LDLRAD3: variants seen among roughly 807,000 people sequenced by gnomAD.
LDLRAD3 encodes low density lipoprotein receptor class A domain containing 3.
In LDLRAD3, 20 loss-of-function variants were observed where a neutral mutation model predicts 29.4. That is an observed-to-expected ratio of 0.68 (90% CI 0.48 to 0.99). The LOEUF is 0.99. LDLRAD3 is among the 50% of genes least tolerant of loss of function. The pLI, the probability that LDLRAD3 is intolerant of heterozygous loss-of-function variation, is 0.00. For synonymous variants in LDLRAD3, 157 were observed against 192.7 expected, an observed-to-expected ratio of 0.81 and a Z score of 1.53; for missense variants, 420 against 454.3, an observed-to-expected ratio of 0.92 and a Z score of 0.69.
chr11:36,194,287 GA>G (rs1352494757), intron 4 of LDLRAD3, among the ~76,000 whole-genome samples: 1 of 152,158 alleles, frequency 6.6e-6, no homozygotes, highest in African/African-American at 2.4e-5. Context: ...GTCCATGATG[GA>G]TTAGTAGGGC....
At chr11:36,130,450 C>A (rs1853909117) in intron 4 of LDLRAD3, among the ~76,000 whole-genome samples, 1 of 152,122 alleles carries the variant, frequency 6.6e-6, no homozygotes, top group African/African-American at 2.4e-5. Flanking sequence ...CAGCGTGAGG[C>A]CATCAAAAGG....
intron 4 of LDLRAD3, among the ~76,000 whole-genome samples, chr11:36,133,788 C>T (rs1054276190): frequency 6.6e-6 from 1 of 152,122 alleles, no homozygotes; most frequent in South Asian, 2.1e-4. Context: ...CCGCCTGCCT[C>T]AGCCTCCCAA....
At chr11:36,178,791 C>T (rs1854714941) in intron 4 of LDLRAD3, among the ~76,000 whole-genome samples, 1 of 152,200 alleles carries the variant, frequency 6.6e-6, no homozygotes, top group African/African-American at 2.4e-5. Context: ...GTGCCAGAGA[C>T]CCTCCCATCC....
intron 4 of LDLRAD3, among the ~76,000 whole-genome samples, chr11:36,104,327 G>A (rs561946018): frequency 8.5e-5 from 13 of 152,314 alleles, no homozygotes; most frequent in African/African-American, 2.6e-4. Flanking sequence ...CTGTAGCCTT[G>A]TAAGACTCCC....
intron 2 of LDLRAD3, among the ~76,000 whole-genome samples, chr11:36,073,718 C>A (rs1852946631): frequency 6.6e-6 from 1 of 152,250 alleles, no homozygotes; most frequent in Non-Finnish European, 1.5e-5. Flanking sequence ...GCTGACCAGG[C>A]AGGAAGTCTC....
chr11:36,013,520 A>G (rs1851981680), intron 1 of LDLRAD3, among the ~76,000 whole-genome samples: 1 of 128,160 alleles, frequency 7.8e-6, no homozygotes, highest in Non-Finnish European at 1.5e-5. Flanking sequence ...ATGTGTTCTC[A>G]TTGTTCAACT....
rs571218514 is a variant in LDLRAD3 at position 36,215,728 on chromosome 11, A to G, written c.455-11357A>G. On this transcript the variant is annotated intron_variant, in intron 4 of 5. Coordinates refer to ENST00000315571, the MANE Select transcript of LDLRAD3 (RefSeq NM_174902.4). ...GAAGCCATGAATTTGTTCATGGTGG[A>G]TAAAGCTCCCCCTTGGGAGCCCTGC... Among the ~76,000 whole-genome samples the G allele has an allele frequency of 1.1e-4, 16 of 152,274 alleles. No homozygotes were observed. In the East Asian group the frequency reaches 1.5e-3, roughly 15 times the overall value.
chr11:36,145,518 A>G (rs957876130), intron 4 of LDLRAD3, among the ~76,000 whole-genome samples: 2 of 150,684 alleles, frequency 1.3e-5, no homozygotes, highest in Non-Finnish European at 3.0e-5. Flanking sequence ...TCAACAGCTC[A>G]TTGAGAACAG....
At chr11:36,009,758 A>G (rs903750918) in intron 1 of LDLRAD3, among the ~76,000 whole-genome samples, 1 of 152,174 alleles carries the variant, frequency 6.6e-6, no homozygotes, top group African/African-American at 2.4e-5. Context: ...TTTTTTTTCC[A>G]TTATTCATAT....
chr11:35,951,502 C>T (rs1851135177), intron 1 of LDLRAD3, among the ~76,000 whole-genome samples: 1 of 152,204 alleles, frequency 6.6e-6, no homozygotes, highest in Non-Finnish European at 1.5e-5. Flanking sequence ...GGCTCTTGAA[C>T]AGACACCCCT....
chr11:36,052,234 G>C (rs77818028), intron 2 of LDLRAD3, among the ~76,000 whole-genome samples: 4,734 of 152,292 alleles, frequency 0.031, 235 homozygotes, highest in Admixed American at 0.13. Flanking sequence ...AAACTGTTTT[G>C]AACAGGGAGT....
At chr11:36,152,692 GA>G (rs1854293656) in intron 4 of LDLRAD3, among the ~76,000 whole-genome samples, 1 of 152,210 alleles carries the variant, frequency 6.6e-6, no homozygotes, top group Admixed American at 6.5e-5. Context: ...AAGGTGTGCA[GA>G]AAAAAGTTGA....
At chr11:36,224,521 A>C (rs1217439475) in intron 4 of LDLRAD3, among the ~76,000 whole-genome samples, 1 of 152,200 alleles carries the variant, frequency 6.6e-6, no homozygotes, top group Non-Finnish European at 1.5e-5. Flanking sequence ...ATGACAGCTA[A>C]TTGTCTCCAG....
rs529290806 is a variant in LDLRAD3 at position 36,029,813 on chromosome 11, C to CA, written c.47-6288dup. ...TGCTGCTTTACCCTTGTAGGAGAAA[C>CA]AACCATATAGCTATACAAAGTGCAG... is the stretch of plus-strand genomic sequence containing the variant. On this transcript the variant is annotated intron_variant, in intron 1 of 5. Coordinates refer to ENST00000315571, the MANE Select transcript of LDLRAD3 (RefSeq NM_174902.4). Among the ~76,000 whole-genome samples the CA allele has an allele frequency of 1.1e-3, 170 of 152,240 alleles. 1 individual carries two copies. The Middle Eastern group carries it at 0.027, about 24-fold the overall frequency.
intron 2 of LDLRAD3, among the ~76,000 whole-genome samples, chr11:36,055,786 T>TATGTTACCTTCAAGCACCC (rs1852609737): frequency 1.3e-5 from 2 of 152,212 alleles, no homozygotes. Context: ...GTGGTTCTGT[T>TATGTTACCTTCAAGCACCC]ATGTTACCTT....
At chr11:36,001,751 TTGTATACGTGTGTGTGTGTG>T (rs1851826965) in intron 1 of LDLRAD3, among the ~76,000 whole-genome samples, 1 of 124,966 alleles carries the variant, frequency 8.0e-6, no homozygotes, top group Non-Finnish European at 1.6e-5. Context: ...TTCAGTTATA[TTGTATACGTGTGTGTGTGTG>T]TGTGTGTGTG....
At chr11:36,160,223 G>A (rs1373049978) in intron 4 of LDLRAD3, among the ~76,000 whole-genome samples, 1 of 152,144 alleles carries the variant, frequency 6.6e-6, no homozygotes, top group Non-Finnish European at 1.5e-5. Flanking sequence ...TTTGTGGGAC[G>A]TATTGCAGGC....
At chr11:36,159,500 C>G (rs1210521755) in intron 4 of LDLRAD3, among the ~76,000 whole-genome samples, 1 of 148,656 alleles carries the variant, frequency 6.7e-6, no homozygotes, top group Non-Finnish European at 1.5e-5. Flanking sequence ...TGCGGTGGCT[C>G]ACTGCTGTAA....
intron 4 of LDLRAD3, among the ~76,000 whole-genome samples, chr11:36,188,134 G>A (rs183128461): frequency 2.6e-5 from 4 of 152,052 alleles, no homozygotes; most frequent in Admixed American, 1.3e-4. Flanking sequence ...GCACCACATC[G>A]AGAAGAGATT....
Sources: allele counts gnomAD v4.1 joint callset (sites outside exome capture counted in the v4.1 genomes callset), GRCh38; gene constraint gnomAD v4.1.1; transcripts MANE v1.5; gene names NCBI Gene and HGNC (gene_info 2026-07-23, HGNC 2026-07-21).